CMIP: variants seen among roughly 807,000 people sequenced by gnomAD.
CMIP encodes the protein c-Maf inducing protein.
CMIP carries 13 observed loss-of-function variants against 97.3 expected under a neutral mutation model. That is an observed-to-expected ratio of 0.13 (90% CI 0.09 to 0.21). The LOEUF (loss-of-function observed/expected upper bound fraction) is 0.21, where lower values mean the gene tolerates loss of function less well. Among genes scored for constraint, CMIP ranks in the 10% least tolerant of loss-of-function variants. CMIP has a pLI of 1.00. For missense variants in CMIP, 847 were observed against 1,024.9 expected (o/e 0.83, Z 2.37); for synonymous variants, 538 against 436.3 (o/e 1.23, Z -2.91).
At chr16:81,650,145 C>G (rs1233437386) in intron 3 of CMIP, among the ~76,000 whole-genome samples, 1 of 152,178 alleles carries the variant, frequency 6.6e-6, no homozygotes, top group Non-Finnish European at 1.5e-5. Flanking sequence ...CATGTTTACT[C>G]TTCACTGTAC....
intron 9 of CMIP, among the ~76,000 whole-genome samples, chr16:81,677,226 T>C (rs1222603283): frequency 6.6e-6 from 1 of 152,086 alleles, no homozygotes; most frequent in Non-Finnish European, 1.5e-5. Flanking sequence ...TTAGGGGACC[T>C]TGGAAGCCAA....
At chr16:81,632,198 G>C (rs1266805212) in intron 3 of CMIP, among the ~76,000 whole-genome samples, 1 of 152,106 alleles carries the variant, frequency 6.6e-6, no homozygotes. Context: ...TCCTTGTCCT[G>C]CCAGATATCC....
At chr16:81,479,807 C>T (rs1352068693) in intron 1 of CMIP, among the ~76,000 whole-genome samples, 1 of 152,172 alleles carries the variant, frequency 6.6e-6, no homozygotes, top group Non-Finnish European at 1.5e-5. Context: ...CTACCCCCGG[C>T]TCTTGAAAAC....
intron 19 of CMIP, among the ~76,000 whole-genome samples, 164 bp downstream of exon 19, chr16:81,705,768 C>G (rs1245813108): frequency 2.0e-5 from 3 of 152,232 alleles, no homozygotes; most frequent in African/African-American, 7.2e-5. Flanking sequence ...AGGCACCATT[C>G]CATGTGCCAG....
Position 81,677,956 on chromosome 16 carries a change from T to C in CMIP, c.1035-319T>C, listed in dbSNP as rs967753893. Among the ~76,000 whole-genome samples the C allele has an allele frequency of 2.0e-5, 3 of 152,358 alleles. No homozygotes were observed. In the South Asian group the frequency reaches 6.2e-4, roughly 32 times the overall value. ...GTGGAGGAGAATGCCAAGAGCCTTA[T>C]GGCTGTCACGTGAAGATCAGCATCC... is the stretch of plus-strand genomic sequence containing the variant. On this transcript the variant is annotated intron_variant, in intron 9 of 20. Transcript: ENST00000537098.
At chr16:81,479,265 G>A (rs543075536) in intron 1 of CMIP, among the ~76,000 whole-genome samples, 1 of 152,220 alleles carries the variant, frequency 6.6e-6, no homozygotes, top group African/African-American at 2.4e-5. Flanking sequence ...CCTATGGTAA[G>A]GAGGTGGGGG....
At chr16:81,578,047 C>G (rs2091230067) in intron 1 of CMIP, among the ~76,000 whole-genome samples, 1 of 151,900 alleles carries the variant, frequency 6.6e-6, no homozygotes, top group African/African-American at 2.4e-5. Context: ...ACTTTATTAT[C>G]ACTATCACCA....
chr16:81,576,601 A>G (rs552139788), intron 1 of CMIP, among the ~76,000 whole-genome samples: 10 of 152,262 alleles, frequency 6.6e-5, no homozygotes, highest in Admixed American at 3.9e-4. Context: ...TACGTAGCCA[A>G]TGAGAGGCAG....
chr16:81,640,768 G>GTCTC (rs1409025784), intron 3 of CMIP, among the ~76,000 whole-genome samples: 3 of 135,118 alleles, frequency 2.2e-5, no homozygotes, highest in African/African-American at 8.8e-5. Context: ...GTGTGTGTGT[G>GTCTC]TGTCTCTCTC....
Position 81,471,017 on chromosome 16 carries a change from C to T in CMIP, c.300+25476C>T, listed in dbSNP as rs142738273. Among the ~76,000 whole-genome samples, 904 of 151,614 alleles carry T rather than the reference C, an allele frequency of 6.0e-3. 9 individuals are homozygous for T. Among genetic ancestry groups the T allele is most frequent in the African/African-American group, 0.018 (726 of 41,316 alleles). ...ACACATGCACACAGGCACACATGTG[C>T]GCACAAACATGTGCATACACACATG... On this transcript the variant is annotated intron_variant, in intron 1 of 20. Transcript: ENST00000537098.
rs1340093924 is a variant in CMIP at position 81,453,790 on chromosome 16, A to AG, written c.300+8251dup. On this transcript the variant is annotated intron_variant, in intron 1 of 20. Transcript: ENST00000537098. This position sits in a 1 kb window ranked among gnomAD's most constrained non-coding sequence, Gnocchi z 4.0. ...TTGTGAAATGGGTCTGCCCTCCCCT[A>AG]GGTCCTTCATTGTCAGGGGGATGGG... 6.6e-6 allele frequency among the ~76,000 whole-genome samples: 1 copy of AG among 152,176 alleles called. No homozygotes were observed. The highest frequency in any genetic ancestry group is 2.4e-5 in the African/African-American group (1 of 41,442).
intron 1 of CMIP, among the ~76,000 whole-genome samples, chr16:81,547,915 G>A (rs1046925314): frequency 6.6e-6 from 1 of 152,182 alleles, no homozygotes; most frequent in African/African-American, 2.4e-5. Flanking sequence ...GGCCTCTTCA[G>A]CTCTGCTCTT....
intron 1 of CMIP, among the ~76,000 whole-genome samples, chr16:81,585,225 C>G (rs570661048): frequency 1.3e-5 from 2 of 152,224 alleles, no homozygotes; most frequent in African/African-American, 2.4e-5. Flanking sequence ...ACCTGTAATC[C>G]CAGCTACTCA....
intron 1 of CMIP, among the ~76,000 whole-genome samples, chr16:81,493,174 C>T (rs1411147356): frequency 2.0e-5 from 3 of 152,084 alleles, no homozygotes; most frequent in African/African-American, 7.2e-5. Context: ...ATCCTGGTCC[C>T]GGCACACAGA....
intron 1 of CMIP, among the ~76,000 whole-genome samples, chr16:81,522,684 C>T (rs936335609): frequency 7.9e-5 from 12 of 152,152 alleles, no homozygotes; most frequent in Non-Finnish European, 1.2e-4. Flanking sequence ...ATCATAAAAT[C>T]GCATTTCTAC....
chr16:81,609,553 G>A (rs749019430), intron 2 of CMIP, among the ~76,000 whole-genome samples: 18 of 152,250 alleles, frequency 1.2e-4, no homozygotes, highest in Non-Finnish European at 2.4e-4. Flanking sequence ...GGGAGACAGA[G>A]CCATAAACAA....
chr16:81,530,231 C>T (rs1287980462), intron 1 of CMIP, among the ~76,000 whole-genome samples: 1 of 152,164 alleles, frequency 6.6e-6, no homozygotes, highest in African/African-American at 2.4e-5. Flanking sequence ...TTATGAGGCT[C>T]CAGCCTTCTT....
rs374849535 is a variant in CMIP, at chr16:81,508,251, C to T, written c.300+62710C>T. ...GAAAAGTCCCTCTTGCCCTGTGGCCCGGCTGGCTTATCTCCTCCCCAGAGG... is the reference window on the plus strand; with the variant it reads ...GAAAAGTCCCTCTTGCCCTGTGGCCTGGCTGGCTTATCTCCTCCCCAGAGG... On this transcript the variant is annotated intron_variant, in intron 1 of 20. Coordinates refer to ENST00000537098, the MANE Select transcript of CMIP (RefSeq NM_198390.3). Among the ~76,000 whole-genome samples, 14 of 152,302 alleles carry T rather than the reference C, an allele frequency of 9.2e-5. No individual in the cohort carries two copies. The East Asian group carries it at 2.5e-3, about 27-fold the overall frequency.
At chr16:81,628,624 G>T (rs2092106774) in intron 3 of CMIP, among the ~76,000 whole-genome samples, 1 of 152,192 alleles carries the variant, frequency 6.6e-6, no homozygotes, top group African/African-American at 2.4e-5. Flanking sequence ...CAGAACCTGG[G>T]ACTTCAGCCA....
Sources: gnomAD v4.1 joint callset for allele counts (sites outside exome capture counted in the v4.1 genomes callset) on GRCh38, gnomAD v4.1.1 for gene constraint, Gnocchi (gnomAD v3.1) non-coding constraint, MANE v1.5 for transcripts, NCBI Gene and HGNC (gene_info 2026-07-23, HGNC 2026-07-21) for gene names.